SNX8: variants seen among roughly 807,000 people sequenced by gnomAD.
SNX8 encodes the protein sorting nexin-8.
SNX8 carries 25 observed loss-of-function variants against 51.6 expected under a neutral mutation model. That is an observed-to-expected ratio of 0.48 (90% CI 0.35 to 0.68). The LOEUF is 0.68. Ranked by LOEUF, SNX8 falls within the 30% of genes least tolerant of loss-of-function variation. The pLI is 0.00. For synonymous variants in SNX8, 324 were observed against 277.0 expected, an observed-to-expected ratio of 1.17 and a Z score of -1.68; for missense variants, 695 against 624.0, an observed-to-expected ratio of 1.11 and a Z score of -1.21.
intron 1 of SNX8, among the ~76,000 whole-genome samples, chr7:2,323,249 G>A (rs1313940068): frequency 1.4e-5 from 2 of 143,078 alleles, no homozygotes; most frequent in African/African-American, 5.1e-5. Flanking sequence ...AAAATCGCTT[G>A]AACTTTGGGG....
upstream of SNX8, among the ~76,000 whole-genome samples, chr7:2,318,515 C>T (rs1047558502): frequency 1.3e-4 from 19 of 145,164 alleles, no homozygotes; most frequent in Non-Finnish European, 2.7e-4. Context: ...AAGAGCGAAA[C>T]TCTGTCTCAA....
Position 2,336,533 on chromosome 7 carries a change from C to T in SNX8, c.-66+17689G>A, listed in dbSNP as rs10249034. Among the ~76,000 whole-genome samples, 379 of 151,864 alleles carry T rather than the reference C, an allele frequency of 2.5e-3. 2 individuals carry two copies. The highest frequency in any genetic ancestry group is 7.8e-3 in the African/African-American group (321 of 41,416). ...ACCAGCCTGCCTAACGCAGTGAAAT[C>T]CCTTCTCTACTAAAAATACAAAAAA... On this transcript the variant is annotated intron_variant, in intron 1 of 5. Coordinates refer to the SNX8 transcript ENST00000435336.
rs937348879 is a variant in SNX8 at position 2,321,379 on chromosome 7, A to G, written c.-66+32843T>C. On this transcript the variant is annotated intron_variant, in intron 1 of 5. Transcript: ENST00000435336. ...TGCCTTCAGCAGATCCTCCCCACAG[A>G]ATACTATTCCTGCGTATTCAGGGAA... Among the ~76,000 whole-genome samples the G allele has an allele frequency of 2.0e-5, 3 of 152,126 alleles. No individual in the cohort carries two copies. In the East Asian group the frequency reaches 5.8e-4, roughly 29 times the overall value.
rs150898092 is a variant in SNX8, at chr7:2,322,687, C to T, written c.-66+31535G>A. Among the ~76,000 whole-genome samples, 1,338 of 151,334 alleles carry T rather than the reference C, an allele frequency of 8.8e-3. 17 individuals are homozygous for T. Among genetic ancestry groups the T allele is most frequent in the African/African-American group, 0.03 (1,256 of 41,186 alleles). On this transcript the variant is annotated intron_variant, in intron 1 of 5. Transcript: ENST00000435336. ...CCAGCCTGGGTGACAGATTGAGACTCCATCTCAAAAGTAAAATAAAATAGA... is the reference window on the plus strand; with the variant it reads ...CCAGCCTGGGTGACAGATTGAGACTTCATCTCAAAAGTAAAATAAAATAGA...
chr7:2,322,970 T>C (rs893766914), intron 1 of SNX8, among the ~76,000 whole-genome samples: 2 of 151,726 alleles, frequency 1.3e-5, no homozygotes, highest in African/African-American at 4.8e-5. Flanking sequence ...TAAGCCGAGA[T>C]CTTGCTGCTG....
chr7:2,273,767 G>A (rs1270110322), intron 3 of SNX8, among the ~76,000 whole-genome samples: 1 of 151,024 alleles, frequency 6.6e-6, no homozygotes. Flanking sequence ...AGCCAGGCGT[G>A]GTGGCGGGCG....
intron 1 of SNX8, among the ~76,000 whole-genome samples, chr7:2,346,921 C>CA (rs758069233): frequency 0.016 from 794 of 48,288 alleles, 7 homozygotes; most frequent in South Asian, 0.051. Context: ...GACTCCGTCT[C>CA]AAAAAAAAAA....
At chr7:2,260,912 A>C (rs553950507) in intron 7 of SNX8, among the ~76,000 whole-genome samples, 14 of 152,168 alleles carry the variant, frequency 9.2e-5, no homozygotes, top group South Asian at 4.1e-4. Context: ...CTCCCTCTTC[A>C]AGGTGGAAAT....
chr7:2,311,862 G>T (rs568214535), intron 1 of SNX8, among the ~76,000 whole-genome samples: 1 of 151,336 alleles, frequency 6.6e-6, no homozygotes, highest in East Asian at 2.0e-4. Flanking sequence ...GCATGAACCC[G>T]GGAGGCAGAG....
intron 1 of SNX8, among the ~76,000 whole-genome samples, chr7:2,351,802 G>A (rs904493321): frequency 1.3e-5 from 2 of 151,648 alleles, no homozygotes; most frequent in Non-Finnish European, 2.9e-5. Flanking sequence ...CTGCACTCCA[G>A]CCTGGGCGAC....
chr7:2,263,103 G>C, intron 7 of SNX8, 127 bp downstream of exon 7: 2 of 1,158,714 alleles, frequency 1.7e-6, no homozygotes, highest in Non-Finnish European at 2.5e-6. Context: ...TGGCAACAGA[G>C]GGAGACTCCT....
chr7:2,314,569 G>T (rs1295135231), upstream of SNX8: 35 of 812,654 alleles, frequency 4.3e-5, no homozygotes, highest in South Asian at 5.6e-5. Context: ...GGCCCGCCGC[G>T]CTCCTCGCCC....
At chr7:2,256,014 C>G (rs1795168942) in intron 10 of SNX8, among the ~76,000 whole-genome samples, 1 of 152,230 alleles carries the variant, frequency 6.6e-6, no homozygotes, top group Non-Finnish European at 1.5e-5. Flanking sequence ...CAATAAAAAA[C>G]CTGGTAGGAC....
At chr7:2,329,670 T>C (rs988320196) in intron 1 of SNX8, among the ~76,000 whole-genome samples, 1 of 152,278 alleles carries the variant, frequency 6.6e-6, no homozygotes, top group Admixed American at 6.5e-5. Context: ...GCTGACGTCA[T>C]GAAGCCTCCA....
At chr7:2,284,909 G>A (rs981820962) in intron 1 of SNX8, among the ~76,000 whole-genome samples, 1 of 151,822 alleles carries the variant, frequency 6.6e-6, no homozygotes, top group Non-Finnish European at 1.5e-5. Flanking sequence ...AAATAAATAA[G>A]TAAATTAATT....
chr7:2,340,856 CAAAAAA>C (rs71026503), intron 1 of SNX8, among the ~76,000 whole-genome samples: 61 of 45,126 alleles, frequency 1.4e-3, no homozygotes, highest in African/African-American at 4.4e-3. Context: ...GGCTGCTTCT[CAAAAAA>C]AAAAAAAAAA....
At chr7:2,290,148 A>G (rs1796120271) in intron 1 of SNX8, among the ~76,000 whole-genome samples, 1 of 152,100 alleles carries the variant, frequency 6.6e-6, no homozygotes, top group African/African-American at 2.4e-5. Flanking sequence ...CGCGGAGATT[A>G]CACCACGGCC....
At chr7:2,275,789 G>A (rs1047327711) in intron 2 of SNX8, among the ~76,000 whole-genome samples, 2 of 151,814 alleles carry the variant, frequency 1.3e-5, no homozygotes, top group African/African-American at 4.8e-5. Context: ...ATGAGGTCAG[G>A]AGATCGAGAC....
At chr7:2,280,592 T>C (rs376766130) in intron 1 of SNX8, among the ~76,000 whole-genome samples, 1 of 152,192 alleles carries the variant, frequency 6.6e-6, no homozygotes. Flanking sequence ...AACTCAGTAA[T>C]GATTACCAAG....
Sources: gnomAD v4.1 joint callset for allele counts (sites outside exome capture counted in the v4.1 genomes callset) on GRCh38, gnomAD v4.1.1 for gene constraint, MANE v1.5 for transcripts, NCBI Gene and HGNC (gene_info 2026-07-23, HGNC 2026-07-21) for gene names.